RTEL1: variants seen among roughly 807,000 people sequenced by gnomAD.
The protein encoded by RTEL1 is regulator of telomere elongation helicase 1, also known as regulator of telomere length.
RTEL1 carries 86 observed loss-of-function variants against 162.2 expected under a neutral mutation model. The observed-to-expected ratio is 0.53, with a 90% CI of 0.45 to 0.63. The LOEUF is 0.63. RTEL1 is among the 30% of genes least tolerant of loss of function. RTEL1 has a pLI of 0.00. For synonymous variants in RTEL1, 958 were observed against 717.9 expected (o/e 1.33, Z -5.35); for missense variants, 1,941 against 1,750.2 (o/e 1.11, Z -1.95).
At chr20:63,686,299 T>C in intron 16 of RTEL1, 1 of 241,462 alleles carries the variant, frequency 4.1e-6, no homozygotes, top group South Asian at 4.9e-5. Context: ...AAGCCCCTGG[T>C]GCGCTCAGCC....
intron 8 of RTEL1, among the ~76,000 whole-genome samples, chr20:63,670,816 CAAAA>C (rs765965525): frequency 6.5e-4 from 87 of 134,152 alleles, no homozygotes; most frequent in African/African-American, 2.0e-3. Context: ...GACCCCATCT[CAAAA>C]AAAAAAAAAA....
intron 30 of RTEL1, among the ~76,000 whole-genome samples, chr20:63,693,657 ACCACCT>A (rs2090874374): frequency 3.0e-4 from 5 of 16,802 alleles, no homozygotes; most frequent in Non-Finnish European, 6.7e-4. Context: ...CACCTCCACC[ACCACCT>A]CCACCACCAC....
At chr20:63,674,666 C>T (rs2090313356) in intron 10 of RTEL1, among the ~76,000 whole-genome samples, 1 of 151,400 alleles carries the variant, frequency 6.6e-6, no homozygotes, top group African/African-American at 2.4e-5. Context: ...CTCCACTGCA[C>T]TCCAGCCTGG....
chr20:63,675,572 G>A (rs1389368464), intron 10 of RTEL1, among the ~76,000 whole-genome samples: 1 of 152,058 alleles, frequency 6.6e-6, no homozygotes, highest in Non-Finnish European at 1.5e-5. Flanking sequence ...GGAATGTGGT[G>A]GTACAATCAA....
At chr20:63,685,635 C>G (rs757353844) in intron 15 of RTEL1, 38 bp downstream of exon 15, 1 of 1,598,814 alleles carries the variant, frequency 6.3e-7, no homozygotes, top group Non-Finnish European at 8.5e-7. Flanking sequence ...GAGGGCAGCC[C>G]TTGTTCCCCG....
chr20:63,662,914 G>T, intron 6 of RTEL1, 25 bp downstream of exon 6: 1 of 1,610,774 alleles, frequency 6.2e-7, no homozygotes, highest in Non-Finnish European at 8.5e-7. Context: ...GTGGGACCAG[G>T]GTCGGGTTGG....
chr20:63,663,029 C>T (rs2090051933), intron 6 of RTEL1, 140 bp downstream of exon 6: 4 of 775,000 alleles, frequency 5.2e-6, no homozygotes, highest in African/African-American at 3.4e-5. Flanking sequence ...TGTCTTCTGA[C>T]TCGGGGCCAC....
rs985287283 is a variant in RTEL1, at chr20:63,661,609, A to C, written c.301+113A>C. ...TCCTGCCGTCTCTCAAGCAGAACTC[A>C]AGGAGAATTTTTTAGCTGCTGTATA... is the stretch of plus-strand genomic sequence containing the variant. On this transcript the variant is annotated intron_variant, in intron 3 of 34. Coordinates refer to ENST00000360203, the MANE Select transcript of RTEL1 (RefSeq NM_001283009.2). This position sits in a 1 kb window ranked among gnomAD's most constrained non-coding sequence, Gnocchi z 5.1. The C allele has an allele frequency of 9.5e-6, 11 of 1,161,260 alleles. No individual in the cohort carries two copies. The highest frequency in any genetic ancestry group is 1.3e-5 in the Non-Finnish European group (11 of 831,754). 71.9% of individuals were successfully genotyped at this position (1,161,260 alleles called of 1,614,324 possible).
intron 10 of RTEL1, among the ~76,000 whole-genome samples, chr20:63,676,425 G>A (rs1228875712): frequency 1.3e-5 from 2 of 152,154 alleles, no homozygotes; most frequent in Non-Finnish European, 1.5e-5. Context: ...CAGATGGGAC[G>A]TCCTTTCTAT....
intron 32 of RTEL1, 21 bp from the exon 33 acceptor site, chr20:63,695,045 T>G (rs761814462): frequency 6.2e-7 from 1 of 1,609,972 alleles, no homozygotes; most frequent in Non-Finnish European, 8.5e-7. Context: ...CTGTGCCGGG[T>G]CTGATTGAAG....
chr20:63,688,942 C>T (rs1023891324), intron 21 of RTEL1, 113 bp from the exon 22 acceptor site: 1 of 967,068 alleles, frequency 1.0e-6, no homozygotes, highest in Non-Finnish European at 1.6e-6. Context: ...CCCGATTGGC[C>T]TTCCTGGCTA....
At position 63,672,707 on chromosome 20, in the gene RTEL1, G is replaced by C. The variant is rs7260740; in HGVS notation, c.765+86G>C. On this transcript the variant is annotated intron_variant, in intron 9 of 34. Coordinates refer to ENST00000360203, the MANE Select transcript of RTEL1 (RefSeq NM_001283009.2). The stretch of plus-strand genomic sequence containing the variant: ...ACGCAAACCTTTCTGGAGGGGCTCT[G>C]GCCAAACTCCTGAAGCCCTAGGTGC... 14,000 of 1,158,394 alleles carry C rather than the reference G, an allele frequency of 0.012. 1,192 individuals carry two copies. The African/African-American group carries it at 0.19, about 16-fold the overall frequency. 71.8% of individuals were successfully genotyped at this position (1,158,394 alleles called of 1,614,324 possible). A position where few individuals can be genotyped will look rare whatever the true frequency, so the allele number is the denominator to read the frequency against.
rs776361047 is a variant in RTEL1, at chr20:63,695,877, A to G, written c.*19A>G. The G allele has an allele frequency of 2.3e-5, 36 of 1,563,858 alleles. 2 individuals carry two copies. In the Middle Eastern group the frequency reaches 6.6e-4, roughly 29 times the overall value. ...CCAGTGAGTGCCCACGGAGGCCCCC[A>G]GCACACCCAACGTGGCTTGATCACC... On this transcript the variant is annotated 3_prime_UTR_variant, in exon 35 of 35. Transcript: ENST00000360203.
chr20:63,663,677 T>A (rs1234468295), intron 6 of RTEL1, among the ~76,000 whole-genome samples: 2 of 152,220 alleles, frequency 1.3e-5, no homozygotes, highest in Non-Finnish European at 2.9e-5. Flanking sequence ...CGGCGCGGTC[T>A]GTGCTTCTGT....
rs770883322 is a variant in RTEL1 at position 63,685,476 on chromosome 20, G to C, written c.1192-47G>C. Reference sequence around the variant, plus strand: ...TATGCGGCTGATGCTGCAGAAAGTCGGGTGGCCTCAGGCTCCTGACGGGGC... The same window carrying C: ...TATGCGGCTGATGCTGCAGAAAGTCCGGTGGCCTCAGGCTCCTGACGGGGC... On this transcript the variant is annotated intron_variant, in intron 14 of 34. Transcript: ENST00000360203. 1.9e-6 allele frequency: 3 copies of C among 1,587,882 alleles called. No individual in the cohort carries two copies. The African/African-American group carries it at 4.0e-5, about 21-fold the overall frequency.
rs536087443 is a variant in RTEL1 at position 63,681,937 on chromosome 20, A to C, written c.1191+1218A>C. 2.0e-5 allele frequency: 20 copies of C among 984,980 alleles called. No homozygotes were observed. In the African/African-American group the frequency reaches 3.3e-4, roughly 16 times the overall value. 61.0% of individuals were successfully genotyped at this position (984,980 alleles called of 1,614,324 possible). ...AGGGCTGCTGTGCTGTCCCGCATGG[A>C]GTGTGGTTGGCTCTTCAAGCAGGAG... On this transcript the variant is annotated intron_variant, in intron 14 of 34. Coordinates refer to ENST00000360203, the MANE Select transcript of RTEL1 (RefSeq NM_001283009.2).
rs1443712555 is a variant in RTEL1 at position 63,680,657 on chromosome 20, C to T, written c.1136-7C>T. ...AGTGTGGGTGTCAGCGCCCTGCTGCCCTCCAGGTGCTGGAGTGTTCACCAA... is the reference window on the plus strand; with the variant it reads ...AGTGTGGGTGTCAGCGCCCTGCTGCTCTCCAGGTGCTGGAGTGTTCACCAA... On this transcript the variant is annotated splice_region_variant and splice_polypyrimidine_tract_variant and intron_variant, in intron 13 of 34. Transcript: ENST00000360203. The T allele has an allele frequency of 2.5e-6, 4 of 1,612,980 alleles. No homozygotes were observed. Among genetic ancestry groups the T allele is most frequent in the Non-Finnish European group, 3.4e-6 (4 of 1,179,912 alleles).
intron 1 of RTEL1, 53 bp downstream of exon 1, chr20:63,658,519 G>A (rs1273910218): frequency 6.6e-6 from 1 of 152,310 alleles, no homozygotes; most frequent in Non-Finnish European, 1.5e-5. Flanking sequence ...GCTCGTAGGC[G>A]CGTTGCGGTT....
In RTEL1 at chr20:63,668,133, CG is replaced by C. The variant is rs1034130446; in HGVS notation, c.699+582del. The stretch of plus-strand genomic sequence containing the variant: ...CTCACTCCCCCCGCCAGCATGTGCC[CG>C]GCCCCACACTCAACTCCCCTCCTCC... On this transcript the variant is annotated intron_variant, in intron 8 of 34. Coordinates refer to ENST00000360203, the MANE Select transcript of RTEL1 (RefSeq NM_001283009.2). The surrounding 1 kb of genome is among the most constrained non-coding windows in gnomAD (Gnocchi z 4.3). Among the ~76,000 whole-genome samples, 51 of 151,906 alleles carry C rather than the reference CG, an allele frequency of 3.4e-4. No homozygotes were observed. Among genetic ancestry groups the C allele is most frequent in the African/African-American group, 1.2e-3 (51 of 41,436 alleles).
Sources: allele counts gnomAD v4.1 joint callset (sites outside exome capture counted in the v4.1 genomes callset), GRCh38; gene constraint gnomAD v4.1.1; non-coding constraint Gnocchi (gnomAD v3.1); transcripts MANE v1.5; gene names NCBI Gene and HGNC (gene_info 2026-07-23, HGNC 2026-07-21).